GPD1L: variants seen among roughly 807,000 people sequenced by gnomAD.
The protein encoded by GPD1L is glycerol-3-phosphate dehydrogenase 1-like protein.
In GPD1L, 17 loss-of-function variants were observed where a neutral mutation model predicts 32.9. That is an observed-to-expected ratio of 0.52 (90% CI 0.35 to 0.78). The LOEUF (loss-of-function observed/expected upper bound fraction) is 0.78. Among genes scored for constraint, GPD1L ranks in the 30% least tolerant of loss-of-function variants. The pLI, the probability that GPD1L is intolerant of heterozygous loss-of-function variation, is 0.01. For missense variants in GPD1L, 361 were observed against 447.8 expected (o/e 0.81, Z 1.75); for synonymous variants, 187 against 165.9 (o/e 1.13, Z -0.98).
chr3:32,121,779 A>AT (rs1244430132), intron 1 of GPD1L, among the ~76,000 whole-genome samples: 48 of 137,500 alleles, frequency 3.5e-4, no homozygotes, highest in Non-Finnish European at 4.7e-4. Context: ...ATATATATAT[A>AT]TATTTTTTTT....
chr3:32,110,717 A>G (rs1447605504), intron 1 of GPD1L, among the ~76,000 whole-genome samples: 1 of 152,226 alleles, frequency 6.6e-6, no homozygotes, highest in African/African-American at 2.4e-5. Flanking sequence ...TCATGCATCC[A>G]GCTGAGCCCT....
chr3:32,147,971 G>A (rs528694774), intron 5 of GPD1L, among the ~76,000 whole-genome samples: 4 of 152,322 alleles, frequency 2.6e-5, no homozygotes, highest in Admixed American at 2.6e-4. Flanking sequence ...ATATTTCTAA[G>A]CGCCTGTGTG....
At chr3:32,129,254 A>G (rs1700554794) in intron 2 of GPD1L, among the ~76,000 whole-genome samples, 1 of 152,146 alleles carries the variant, frequency 6.6e-6, no homozygotes, top group African/African-American at 2.4e-5. Flanking sequence ...TTCACTCACC[A>G]AACCTTATGA....
chr3:32,151,285 A>G lies in GPD1L; in HGVS notation c.618+4551A>G, dbSNP rs1413482045. On this transcript the variant is annotated intron_variant, in intron 5 of 7. Transcript: ENST00000282541. ...CAGCTCTTAGCTTAATATGCTCCAT[A>G]CACCCATTAATTCTTGGCAAGAATC... 2.1e-5 allele frequency: 13 copies of G among 610,752 alleles called. No homozygotes were observed. The Admixed American group carries it at 2.7e-4, about 13-fold the overall frequency. The allele number at this position is 610,752 out of a possible 1,614,324, so 37.8% of individuals were successfully genotyped here. A position where few individuals can be genotyped will look rare whatever the true frequency, so the allele number is the denominator to read the frequency against.
intron 1 of GPD1L, among the ~76,000 whole-genome samples, chr3:32,117,383 A>T (rs1700346771): frequency 6.6e-6 from 1 of 152,242 alleles, no homozygotes; most frequent in African/African-American, 2.4e-5. Context: ...GGACAGTAAC[A>T]TTCCAGCTGT....
chr3:32,142,960 TGAGGCCAA>T (rs1346777547), intron 4 of GPD1L, among the ~76,000 whole-genome samples: 1 of 152,182 alleles, frequency 6.6e-6, no homozygotes, highest in African/African-American at 2.4e-5. Flanking sequence ...GAGGATCTTC[TGAGGCCAA>T]GAGTTTGAAA....
intron 2 of GPD1L, among the ~76,000 whole-genome samples, chr3:32,133,332 C>T (rs1011863382): frequency 6.6e-6 from 1 of 152,068 alleles, no homozygotes. Flanking sequence ...TTGGCTTATC[C>T]TTGTTTTATC....
intron 2 of GPD1L, among the ~76,000 whole-genome samples, chr3:32,134,562 T>C (rs1463332456): frequency 6.6e-6 from 1 of 152,170 alleles, no homozygotes; most frequent in Non-Finnish European, 1.5e-5. Flanking sequence ...TCACAACTTT[T>C]TGCAGCCTCG....
intron 2 of GPD1L, among the ~76,000 whole-genome samples, chr3:32,131,760 T>C (rs1700590310): frequency 6.6e-6 from 1 of 152,210 alleles, no homozygotes; most frequent in South Asian, 2.1e-4. Flanking sequence ...TATGTTTTCA[T>C]TTCTTTTGTG....
In GPD1L at chr3:32,115,758, C is replaced by CTTTTTTTTTTTTTT. The variant is rs539068850; in HGVS notation, c.47+9035_47+9048dup. Among the ~76,000 whole-genome samples, 82 of 45,086 alleles carry CTTTTTTTTTTTTTT rather than the reference C, an allele frequency of 1.8e-3. 31 individuals are homozygous for CTTTTTTTTTTTTTT. Among genetic ancestry groups the CTTTTTTTTTTTTTT allele is most frequent in the Non-Finnish European group, 3.0e-3 (61 of 20,538 alleles). The allele number at this position is 45,086 out of a possible 152,430, so 29.6% of individuals were successfully genotyped here. A position where few individuals can be genotyped will look rare whatever the true frequency, so the allele number is the denominator to read the frequency against. On this transcript the variant is annotated intron_variant, in intron 1 of 7. Transcript: ENST00000282541. ...CTAAACCCTTTTCGTGTACGTTGAACTTTTTTTTTTTTTTTTTTTTTTTTT... is the reference window on the plus strand; with the variant it reads ...CTAAACCCTTTTCGTGTACGTTGAACTTTTTTTTTTTTTTTTTTTTTTTTTTTTTTTTTTTTTTT...
intron 5 of GPD1L, among the ~76,000 whole-genome samples, chr3:32,148,766 T>A (rs1445527680): frequency 1.3e-5 from 2 of 152,194 alleles, no homozygotes; most frequent in Non-Finnish European, 2.9e-5. Context: ...AAGCCCTCTC[T>A]CATCAGAGCC....
chr3:32,140,097 A>G, intron 3 of GPD1L, 131 bp from the exon 4 acceptor site: 1 of 863,432 alleles, frequency 1.2e-6, no homozygotes, highest in South Asian at 1.3e-5. Context: ...AGCTGTACAT[A>G]GGCAGTATAG....
At chr3:32,156,443 A>G (rs1700990687) in intron 5 of GPD1L, among the ~76,000 whole-genome samples, 1 of 152,206 alleles carries the variant, frequency 6.6e-6, no homozygotes. Flanking sequence ...CAGCAACCGC[A>G]GTAAGCTCTC....
intron 1 of GPD1L, among the ~76,000 whole-genome samples, chr3:32,119,204 A>G (rs985063469): frequency 1.3e-5 from 2 of 152,232 alleles, no homozygotes; most frequent in African/African-American, 2.4e-5. Flanking sequence ...GGTTTTCCAC[A>G]GTGGCTGCAG....
chr3:32,135,756 T>G (rs74409001), intron 2 of GPD1L, among the ~76,000 whole-genome samples: 4,493 of 152,264 alleles, frequency 0.03, 316 homozygotes, highest in East Asian at 0.25. Flanking sequence ...CGCCCAGCCT[T>G]CATCGGGAGA....
At chr3:32,109,101 T>G (rs901724491) in intron 1 of GPD1L, among the ~76,000 whole-genome samples, 6 of 152,156 alleles carry the variant, frequency 3.9e-5, no homozygotes, top group Non-Finnish European at 7.4e-5. Context: ...CGCCTGCCTC[T>G]TCCTCCCAAA....
chr3:32,152,690 G>A (rs545138874), intron 5 of GPD1L, among the ~76,000 whole-genome samples: 6 of 152,232 alleles, frequency 3.9e-5, no homozygotes, highest in Admixed American at 6.5e-5. Context: ...AGTGGCCACC[G>A]AATTTCAACA....
chr3:32,146,751 G>C lies in GPD1L; in HGVS notation c.618+17G>C, dbSNP rs775325609. ...GCGCTTAAGGTAAAGTCAGCCTCAG[G>C]GGAGGAGTTCATCAAGCAAGGCAAA... On this transcript the variant is annotated intron_variant, in intron 5 of 7. Coordinates refer to ENST00000282541, the MANE Select transcript of GPD1L (RefSeq NM_015141.4). 2.1e-6 allele frequency: 3 copies of C among 1,424,140 alleles called. No individual in the cohort carries two copies. Among genetic ancestry groups the C allele is most frequent in the Non-Finnish European group, 3.0e-6 (3 of 1,008,358 alleles). 88.2% of individuals were successfully genotyped at this position (1,424,140 alleles called of 1,614,324 possible). A position where few individuals can be genotyped will look rare whatever the true frequency, so the allele number is the denominator to read the frequency against.
chr3:32,110,730 T>G (rs1353743345), intron 1 of GPD1L, among the ~76,000 whole-genome samples: 1 of 152,242 alleles, frequency 6.6e-6, no homozygotes, highest in Non-Finnish European at 1.5e-5. Context: ...TGAGCCCTGC[T>G]GTGTTGCCCA....
Sources: gnomAD v4.1 joint callset for allele counts (sites outside exome capture counted in the v4.1 genomes callset) on GRCh38, gnomAD v4.1.1 for gene constraint, MANE v1.5 for transcripts, NCBI Gene and HGNC (gene_info 2026-07-23, HGNC 2026-07-21) for gene names.